The following LPP variants were observed in gnomAD, a reference collection of about 807,000 sequenced individuals.
LPP encodes the protein LIM domain containing preferred translocation partner in lipoma, also known as lipoma-preferred partner.
LPP carries 38 observed loss-of-function variants against 60.4 expected under a neutral mutation model. The observed-to-expected ratio is 0.63, with a 90% CI of 0.49 to 0.83. The LOEUF (loss-of-function observed/expected upper bound fraction) is 0.83, where lower values mean the gene tolerates loss of function less well. LPP is among the 40% of genes least tolerant of loss of function. LPP has a pLI of 0.00. For synonymous variants in LPP, 328 were observed against 290.8 expected (o/e 1.13, Z -1.30); for missense variants, 902 against 783.6 (o/e 1.15, Z -1.80).
intron 7 of LPP, among the ~76,000 whole-genome samples, chr3:188,657,986 A>G (rs114875540): frequency 0.025 from 3,791 of 152,244 alleles, 65 homozygotes; most frequent in South Asian, 0.089. Flanking sequence ...ATTCCTATTA[A>G]CCTTAGAACT....
intron 4 of LPP, among the ~76,000 whole-genome samples, chr3:188,433,319 G>C (rs1333713456): frequency 6.6e-6 from 1 of 152,112 alleles, no homozygotes; most frequent in African/African-American, 2.4e-5. Context: ...TGGTCTGACA[G>C]TTGTGAGAGG....
At chr3:188,206,473 G>A (rs1455958233) in intron 1 of LPP, among the ~76,000 whole-genome samples, 4 of 152,192 alleles carry the variant, frequency 2.6e-5, no homozygotes, top group African/African-American at 4.8e-5. Context: ...GTCTGACTAA[G>A]TATATATAAC....
At chr3:188,746,559 G>A (rs1020935129) in intron 8 of LPP, 1 of 487,558 alleles carries the variant, frequency 2.1e-6, no homozygotes, top group African/African-American at 2.0e-5. Context: ...CACTCTCCCT[G>A]TGTGGTATCT....
chr3:188,506,602 A>C (rs1490746653), intron 5 of LPP, among the ~76,000 whole-genome samples: 1 of 152,124 alleles, frequency 6.6e-6, no homozygotes, highest in East Asian at 1.9e-4. Flanking sequence ...TGATGAGGAA[A>C]CTGGAGCCTA....
intron 4 of LPP, among the ~76,000 whole-genome samples, chr3:188,438,382 C>CAT (rs1792901907): frequency 6.6e-6 from 1 of 151,774 alleles, no homozygotes; most frequent in African/African-American, 2.4e-5. Context: ...CACACACACA[C>CAT]ACACACACAC....
intron 2 of LPP, among the ~76,000 whole-genome samples, chr3:188,284,821 C>T (rs1743373886): frequency 6.6e-6 from 1 of 152,024 alleles, no homozygotes. Flanking sequence ...TTCCTGCCCT[C>T]TCAGGCAGGT....
chr3:188,695,310 G>C (rs1370752007), intron 7 of LPP, among the ~76,000 whole-genome samples: 1 of 152,178 alleles, frequency 6.6e-6, no homozygotes, highest in Non-Finnish European at 1.5e-5. Context: ...ATCATGGTCA[G>C]TGATTGATTA....
rs1180239446 is a variant in LPP at position 188,715,352 on chromosome 3, T to C, written c.1240+6959T>C. On this transcript the variant is annotated intron_variant, in intron 8 of 11. Coordinates refer to ENST00000617246, the MANE Select transcript of LPP (RefSeq NM_001375462.1). The stretch of plus-strand genomic sequence containing the variant: ...AAGATCGTGCCACTGCACTCCAGCC[T>C]GGTGACAGAGGGAGACTCCGTCTCA... 2.7e-5 allele frequency among the ~76,000 whole-genome samples: 3 copies of C among 112,322 alleles called. No individual in the cohort carries two copies. The South Asian group carries it at 9.2e-4, about 35-fold the overall frequency. The allele number at this position is 112,322 out of a possible 152,430, so 73.7% of individuals were successfully genotyped here. A position where few individuals can be genotyped will look rare whatever the true frequency, so the allele number is the denominator to read the frequency against.
At chr3:188,710,518 A>C (rs1419587657) in intron 8 of LPP, 1 of 152,234 alleles carries the variant, frequency 6.6e-6, no homozygotes, top group Non-Finnish European at 1.5e-5. Flanking sequence ...GATTAACAAC[A>C]ATGCATGGAG....
intron 1 of LPP, among the ~76,000 whole-genome samples, chr3:188,172,181 T>G (rs925516415): frequency 2.6e-5 from 4 of 152,232 alleles, no homozygotes; most frequent in African/African-American, 9.6e-5. Context: ...GTCTTTGCCT[T>G]TAGTCCTTTG....
intron 2 of LPP, among the ~76,000 whole-genome samples, chr3:188,277,184 A>C (rs991923373): frequency 1.3e-5 from 2 of 152,100 alleles, no homozygotes; most frequent in African/African-American, 4.8e-5. Context: ...GATTACAGGC[A>C]TGAGCCACCT....
intron 4 of LPP, among the ~76,000 whole-genome samples, chr3:188,437,290 T>C (rs9858964): frequency 0.067 from 10,260 of 152,262 alleles, 460 homozygotes; most frequent in Non-Finnish European, 0.098. Flanking sequence ...ATTTGAATGA[T>C]ATGCTAAGTA....
intron 8 of LPP, among the ~76,000 whole-genome samples, chr3:188,753,953 G>A (rs1729184230): frequency 6.6e-6 from 1 of 152,132 alleles, no homozygotes. Context: ...CAGCTTTTAA[G>A]ATATGATAAA....
chr3:188,730,333 C>CA (rs1208345583), intron 8 of LPP, among the ~76,000 whole-genome samples: 1 of 152,114 alleles, frequency 6.6e-6, no homozygotes. Context: ...GAGTGTAAGC[C>CA]ACAGCCACCA....
chr3:188,813,197 T>C (rs1751557550), intron 9 of LPP, among the ~76,000 whole-genome samples: 4 of 152,194 alleles, frequency 2.6e-5, no homozygotes, highest in Admixed American at 2.6e-4. Flanking sequence ...TCCATGTATA[T>C]TTTTATATAT....
chr3:188,649,220 C>T (rs1379191111), intron 7 of LPP, among the ~76,000 whole-genome samples: 3 of 152,158 alleles, frequency 2.0e-5, no homozygotes, highest in African/African-American at 7.2e-5. Context: ...TTTAAAATAG[C>T]TTTAAGTTTC....
intron 1 of LPP, among the ~76,000 whole-genome samples, chr3:188,193,507 T>C (rs1477152205): frequency 1.3e-5 from 2 of 152,232 alleles, no homozygotes; most frequent in East Asian, 1.9e-4. Context: ...ACAAGTGCCA[T>C]GTAAGTGTTT....
At chr3:188,170,054 A>T (rs971983949) in intron 1 of LPP, among the ~76,000 whole-genome samples, 3 of 152,202 alleles carry the variant, frequency 2.0e-5, no homozygotes, top group Admixed American at 6.5e-5. Flanking sequence ...TGAAATTCTG[A>T]CATGGCTGAT....
chr3:188,533,394 C>T (rs928612473), intron 6 of LPP, among the ~76,000 whole-genome samples: 3 of 152,284 alleles, frequency 2.0e-5, no homozygotes, highest in Middle Eastern at 3.4e-3. Flanking sequence ...TTTGCTGTTT[C>T]TGGCAAGGCT....
Sources: allele counts gnomAD v4.1 joint callset (sites outside exome capture counted in the v4.1 genomes callset), GRCh38; gene constraint gnomAD v4.1.1; transcripts MANE v1.5; gene names NCBI Gene and HGNC (gene_info 2026-07-23, HGNC 2026-07-21).